MAGI1: variants seen among roughly 807,000 people sequenced by gnomAD.
MAGI1 encodes membrane-associated guanylate kinase, WW and PDZ domain-containing protein 1.
A neutral mutation model predicts 139.9 loss-of-function variants in MAGI1; 58 were observed. The ratio of observed to expected loss-of-function variants is 0.41; its 90% CI spans 0.34 to 0.52. MAGI1 has a LOEUF of 0.52. Ranked by LOEUF, MAGI1 falls within the 20% of genes least tolerant of loss-of-function variation. The pLI is 0.12. For synonymous variants in MAGI1, 812 were observed against 737.9 expected (o/e 1.10, Z -1.63); for missense variants, 1,874 against 1,901.6 (o/e 0.99, Z 0.27).
chr3:65,437,105 T>A (rs778284715), intron 10 of MAGI1, 50 bp downstream of exon 10: 7 of 1,320,164 alleles, frequency 5.3e-6, no homozygotes, highest in African/African-American at 1.5e-5. Flanking sequence ...TTAAAAAAAA[T>A]TAGATTTTGA....
At chr3:65,631,807 T>A (rs185589661) in intron 1 of MAGI1, among the ~76,000 whole-genome samples, 58 of 152,122 alleles carry the variant, frequency 3.8e-4, no homozygotes, top group African/African-American at 1.3e-3. Context: ...TGAGGTCACA[T>A]GAGGTCAGCA....
At chr3:65,746,788 C>T (rs1388969940) in intron 1 of MAGI1, among the ~76,000 whole-genome samples, 2 of 152,080 alleles carry the variant, frequency 1.3e-5, no homozygotes, top group Non-Finnish European at 2.9e-5. Flanking sequence ...CTTTGTACTG[C>T]TTCTGCCTAG....
chr3:65,683,427 C>T (rs546567140), intron 1 of MAGI1, among the ~76,000 whole-genome samples: 1 of 151,306 alleles, frequency 6.6e-6, no homozygotes, highest in East Asian at 1.9e-4. Flanking sequence ...AGACATGTCT[C>T]TGAATTTTGC....
intron 1 of MAGI1, among the ~76,000 whole-genome samples, chr3:65,790,401 C>A (rs2039679183): frequency 6.6e-6 from 1 of 152,228 alleles, no homozygotes; most frequent in African/African-American, 2.4e-5. Flanking sequence ...TCCAGCAAAG[C>A]TCTGCCTAAA....
chr3:65,459,963 A>T (rs1177363229), intron 5 of MAGI1, among the ~76,000 whole-genome samples: 3 of 152,176 alleles, frequency 2.0e-5, no homozygotes, highest in African/African-American at 7.2e-5. Context: ...AGTGGGGACA[A>T]CTGACATCCT....
rs1358200698 is a variant in MAGI1 at position 65,353,730 on chromosome 3, C to T, written c.*2648G>A. 6.6e-6 allele frequency: 1 copy of T among 152,074 alleles called. No homozygotes were observed. The highest frequency in any genetic ancestry group is 2.4e-5 in the African/African-American group (1 of 41,380). 9.4% of individuals were successfully genotyped at this position (152,074 alleles called of 1,614,324 possible). A position where few individuals can be genotyped will look rare whatever the true frequency, so the allele number is the denominator to read the frequency against. ...AAAATACTCATCCATTATCTCTCAT[C>T]AAGACATTTACATTAAGTGGGGGAG... is the stretch of plus-strand genomic sequence containing the variant. On this transcript the variant is annotated 3_prime_UTR_variant, in exon 23 of 23. Coordinates refer to ENST00000402939, the MANE Select transcript of MAGI1 (RefSeq NM_001033057.2).
chr3:65,446,043 T>C (rs1472530818), intron 7 of MAGI1, among the ~76,000 whole-genome samples: 1 of 152,104 alleles, frequency 6.6e-6, no homozygotes, highest in Non-Finnish European at 1.5e-5. Context: ...CAGGCAAAAA[T>C]CAAAGGTTTT....
chr3:65,992,306 C>A (rs184057141), intron 1 of MAGI1, among the ~76,000 whole-genome samples: 1 of 152,324 alleles, frequency 6.6e-6, no homozygotes, highest in Admixed American at 6.5e-5. Context: ...AGTGACTCAC[C>A]TATATCTTGA....
At position 65,361,318 on chromosome 3, in the gene MAGI1, T is replaced by A. The variant is rs748965783; in HGVS notation, c.3515A>T (p.Glu1172Val). The change falls in exon 22 of 23, where the codon GAG becomes GTG. Residue 1172 changes from glutamate to valine, a missense_variant. Glu to Val is a moderately radical substitution (Grantham distance 121). This residue lies in a region of MAGI1 where 653 missense variants were observed against 644.5 expected (regional missense o/e 1.01). Transcript: ENST00000402939. ...GTTTTTGGTGGTCTCACCATTGATC[T>A]CTAAAATTTCATCACCAATCTGCCA... is the stretch of plus-strand genomic sequence containing the variant. ...GKMRIGDEIL[E>V]INGETTKNMK... The A allele has an allele frequency of 1.2e-5, 20 of 1,613,344 alleles. No individual in the cohort carries two copies. The highest frequency in any genetic ancestry group is 1.6e-5 in the Non-Finnish European group (19 of 1,179,684).
At chr3:65,485,768 C>T (rs1951586923) in intron 3 of MAGI1, among the ~76,000 whole-genome samples, 1 of 152,132 alleles carries the variant, frequency 6.6e-6, no homozygotes, top group Admixed American at 6.5e-5. Context: ...ATCAATATTC[C>T]CATTTTCACA....
chr3:65,485,804 C>A (rs946982508), intron 3 of MAGI1, among the ~76,000 whole-genome samples: 2 of 152,166 alleles, frequency 1.3e-5, no homozygotes, highest in Non-Finnish European at 2.9e-5. Context: ...TTACACAAGT[C>A]AAAGATGATG....
intron 1 of MAGI1, among the ~76,000 whole-genome samples, chr3:65,773,337 G>C (rs1032829171): frequency 2.3e-5 from 3 of 129,954 alleles, no homozygotes; most frequent in Admixed American, 1.5e-4. Context: ...GTTCAAGACT[G>C]GTCTAGTCAA....
At chr3:66,023,661 C>T (rs2068080075) in intron 1 of MAGI1, among the ~76,000 whole-genome samples, 1 of 152,174 alleles carries the variant, frequency 6.6e-6, no homozygotes, top group Admixed American at 6.5e-5. Context: ...CCCAATTTAT[C>T]TATAGAAAAG....
At chr3:65,826,196 T>C (rs1485793901) in intron 1 of MAGI1, among the ~76,000 whole-genome samples, 4 of 152,092 alleles carry the variant, frequency 2.6e-5, no homozygotes, top group African/African-American at 9.7e-5. Context: ...CTGAATTCTG[T>C]TTGCTTAATT....
chr3:65,394,781 A>C (rs557503681), intron 13 of MAGI1, among the ~76,000 whole-genome samples: 2 of 152,240 alleles, frequency 1.3e-5, no homozygotes, highest in African/African-American at 4.8e-5. Flanking sequence ...ATGTTTATAT[A>C]TCTCCCAAAT....
At chr3:65,787,310 GC>G (rs1328470796) in intron 1 of MAGI1, among the ~76,000 whole-genome samples, 11 of 151,922 alleles carry the variant, frequency 7.2e-5, no homozygotes, top group African/African-American at 2.4e-4. Context: ...AGCCACTGGA[GC>G]ATTTTCATAG....
chr3:65,991,673 C>T (rs898053574), intron 1 of MAGI1, among the ~76,000 whole-genome samples: 1 of 152,124 alleles, frequency 6.6e-6, no homozygotes, highest in Non-Finnish European at 1.5e-5. Context: ...ATCTAGATAT[C>T]TTTCTTGCTT....
chr3:65,470,129 C>T, intron 5 of MAGI1, 154 bp downstream of exon 5: 1 of 580,750 alleles, frequency 1.7e-6, no homozygotes, highest in Non-Finnish European at 3.0e-6. Context: ...TAATTAATTA[C>T]CTTTTTATGC....
At chr3:65,926,363 CT>C (rs1422504755) in intron 1 of MAGI1, among the ~76,000 whole-genome samples, 42 of 151,552 alleles carry the variant, frequency 2.8e-4, no homozygotes, top group Non-Finnish European at 5.2e-4. Context: ...CTCTCTCTCT[CT>C]CTCTCCCTCT....
Sources: gnomAD v4.1 joint callset for allele counts (sites outside exome capture counted in the v4.1 genomes callset) on GRCh38, gnomAD v4.1.1 for gene constraint, gnomAD v4.1.1 regional missense constraint, MANE v1.5 for transcripts, NCBI Gene and HGNC (gene_info 2026-07-23, HGNC 2026-07-21) for gene names.